Variants in TRHDE observed in about 807,000 individuals in gnomAD.
TRHDE encodes the protein thyrotropin-releasing hormone-degrading ectoenzyme.
In TRHDE, 72 loss-of-function variants were observed where a neutral mutation model predicts 125.7. The observed-to-expected ratio is 0.57, with a 90% CI of 0.47 to 0.70. The LOEUF is 0.70. Ranked by LOEUF, TRHDE falls within the 30% of genes least tolerant of loss-of-function variation. The probability of loss-of-function intolerance (pLI) is 0.00; values close to 1 mark genes in which losing one functional copy is unlikely to be tolerated. For missense variants in TRHDE, 1,110 were observed against 1,327.1 expected (o/e 0.84, Z 2.54); for synonymous variants, 509 against 509.1 (o/e 1.00, Z 0.00).
At chr12:72,383,513 A>G (rs1872278575) in intron 3 of TRHDE, among the ~76,000 whole-genome samples, 1 of 150,316 alleles carries the variant, frequency 6.7e-6, no homozygotes, top group African/African-American at 2.5e-5. Context: ...AGTAGCTGGG[A>G]CTATAGGCAT....
At chr12:72,394,993 G>T (rs1291878781) in intron 3 of TRHDE, among the ~76,000 whole-genome samples, 1 of 152,152 alleles carries the variant, frequency 6.6e-6, no homozygotes, top group East Asian at 1.9e-4. Flanking sequence ...ATTGTGGAAT[G>T]TCTAAGTCTA....
intron 2 of TRHDE, among the ~76,000 whole-genome samples, chr12:72,359,591 T>C (rs1204766373): frequency 6.6e-6 from 1 of 151,620 alleles, no homozygotes; most frequent in Non-Finnish European, 1.5e-5. Context: ...GCAAATCTAA[T>C]AGAAGTTGCG....
intron 7 of TRHDE, among the ~76,000 whole-genome samples, chr12:72,553,735 AC>A (rs775716626): frequency 2.2e-4 from 32 of 148,758 alleles, no homozygotes; most frequent in South Asian, 1.5e-3. Context: ...GCTCCACCAC[AC>A]CCCCCACCCC....
chr12:72,363,426 T>C (rs1386027743), intron 2 of TRHDE, among the ~76,000 whole-genome samples: 4 of 151,980 alleles, frequency 2.6e-5, no homozygotes, highest in East Asian at 2.0e-4. Context: ...TCCACCATGA[T>C]CAAGTGGGCT....
At chr12:72,173,787 G>GCA (rs138063355) in intron 2 of TRHDE, among the ~76,000 whole-genome samples, 48 of 151,158 alleles carry the variant, frequency 3.2e-4, no homozygotes, top group African/African-American at 8.7e-4. Flanking sequence ...CTCTGCGCGC[G>GCA]CACACACACA....
At chr12:72,324,024 C>T (rs1869223930) in intron 2 of TRHDE, among the ~76,000 whole-genome samples, 1 of 152,050 alleles carries the variant, frequency 6.6e-6, no homozygotes, top group Non-Finnish European at 1.5e-5. Flanking sequence ...TCCTGGTCTT[C>T]CTGATGCCAG....
intron 5 of TRHDE, among the ~76,000 whole-genome samples, chr12:72,480,873 G>C (rs1467432814): frequency 2.6e-5 from 4 of 152,026 alleles, no homozygotes; most frequent in Non-Finnish European, 4.4e-5. Context: ...TGTCTTCTTA[G>C]ATATTATTAT....
At chr12:72,263,157 G>T (rs1878989709) in intron 2 of TRHDE, 1 of 151,994 alleles carries the variant, frequency 6.6e-6, no homozygotes, top group African/African-American at 2.4e-5. Context: ...TTTATCCCAG[G>T]AATTGTGTGC....
intron 12 of TRHDE, among the ~76,000 whole-genome samples, chr12:72,602,020 A>C (rs1872228641): frequency 6.6e-6 from 1 of 152,132 alleles, no homozygotes; most frequent in Non-Finnish European, 1.5e-5. Context: ...AACAAGTTGA[A>C]TTCTTTATAG....
chr12:72,168,891 A>G (rs1049395876), intron 2 of TRHDE, among the ~76,000 whole-genome samples: 15 of 152,180 alleles, frequency 9.9e-5, no homozygotes, highest in Non-Finnish European at 1.5e-4. Context: ...TTTCTTTACT[A>G]ATTTTGATTC....
chr12:72,219,703 A>G lies in TRHDE; in HGVS notation n.279+113951A>G, dbSNP rs187722657. On this transcript the variant is annotated intron_variant and non_coding_transcript_variant, in intron 2 of 4. Coordinates refer to the TRHDE transcript ENST00000548156. ...TTTTTGTGCACTACAAGTGCATAGC[A>G]TTCAGTTTTGGATTTTCCCTGTTAG... Among the ~76,000 whole-genome samples, 252 of 152,276 alleles carry G rather than the reference A, an allele frequency of 1.7e-3. 2 individuals are homozygous for G. The highest frequency in any genetic ancestry group is 5.8e-3 in the African/African-American group (243 of 41,570).
intron 2 of TRHDE, among the ~76,000 whole-genome samples, chr12:72,143,715 C>T (rs1347125537): frequency 6.6e-6 from 1 of 151,942 alleles, no homozygotes; most frequent in African/African-American, 2.4e-5. Flanking sequence ...TATCATCCTG[C>T]TTGGTTCTTT....
intron 2 of TRHDE, among the ~76,000 whole-genome samples, chr12:72,164,364 T>C (rs527256518): frequency 3.9e-5 from 6 of 152,010 alleles, no homozygotes; most frequent in Non-Finnish European, 7.4e-5. Flanking sequence ...GGTTTGATGG[T>C]GTTGTGCTGA....
At chr12:72,410,571 A>G (rs1873452114) in intron 3 of TRHDE, among the ~76,000 whole-genome samples, 1 of 152,206 alleles carries the variant, frequency 6.6e-6, no homozygotes, top group African/African-American at 2.4e-5. Context: ...TGGACATTAA[A>G]AAATCAATCA....
chr12:72,559,818 G>A (rs1870092504), intron 7 of TRHDE, among the ~76,000 whole-genome samples: 1 of 152,090 alleles, frequency 6.6e-6, no homozygotes, highest in African/African-American at 2.4e-5. Flanking sequence ...GATACTAAAT[G>A]TGATTTCATC....
intron 2 of TRHDE, among the ~76,000 whole-genome samples, chr12:72,330,838 C>G (rs966779711): frequency 6.6e-6 from 1 of 152,170 alleles, no homozygotes; most frequent in East Asian, 1.9e-4. Context: ...TTTAGAACAG[C>G]GCTTCTCAAA....
At chr12:72,261,646 A>G (rs1251656099) in intron 2 of TRHDE, among the ~76,000 whole-genome samples, 1 of 152,066 alleles carries the variant, frequency 6.6e-6, no homozygotes, top group Non-Finnish European at 1.5e-5. Flanking sequence ...TTTCAGTTCC[A>G]TAGAGTTTGT....
At chr12:72,601,931 T>C (rs945132881) in intron 12 of TRHDE, among the ~76,000 whole-genome samples, 1 of 152,114 alleles carries the variant, frequency 6.6e-6, no homozygotes, top group Non-Finnish European at 1.5e-5. Context: ...TCTCTGTACA[T>C]GGTAACAAAT....
intron 2 of TRHDE, among the ~76,000 whole-genome samples, chr12:72,298,681 G>T (rs1458547893): frequency 6.6e-6 from 1 of 152,170 alleles, no homozygotes; most frequent in Non-Finnish European, 1.5e-5. Flanking sequence ...TTGATTGTAT[G>T]CTTTAGGCAG....
Sources: gnomAD v4.1 joint callset for allele counts (sites outside exome capture counted in the v4.1 genomes callset) on GRCh38, gnomAD v4.1.1 for gene constraint, MANE v1.5 for transcripts, NCBI Gene and HGNC (gene_info 2026-07-23, HGNC 2026-07-21) for gene names.